Variants in ESRRG observed in about 807,000 individuals in gnomAD.
The protein encoded by ESRRG is estrogen-related receptor gamma.
Under a neutral mutation model 44.0 loss-of-function variants are expected in ESRRG, and 13 were observed. That is an observed-to-expected ratio of 0.30 (90% CI 0.19 to 0.47). The LOEUF (loss-of-function observed/expected upper bound fraction) is 0.47. Among genes scored for constraint, ESRRG ranks in the 20% least tolerant of loss-of-function variants. The pLI is 1.00. For missense variants in ESRRG, 395 were observed against 580.6 expected (o/e 0.68, Z 3.29); for synonymous variants, 215 against 214.6 (o/e 1.00, Z -0.02).
At chr1:216,703,581 T>C (rs1295887989) in intron 1 of ESRRG, among the ~76,000 whole-genome samples, 1 of 152,242 alleles carries the variant, frequency 6.6e-6, no homozygotes, top group Non-Finnish European at 1.5e-5. Flanking sequence ...ATGTAATTTT[T>C]TTTTTGCTTT....
chr1:216,900,853 C>T (rs945240407), intron 2 of ESRRG, among the ~76,000 whole-genome samples: 6 of 152,118 alleles, frequency 3.9e-5, no homozygotes, highest in African/African-American at 9.7e-5. Context: ...ATCCAGTTCT[C>T]GTGAATCTCA....
At chr1:217,036,978 A>C (rs897305053) in intron 1 of ESRRG, among the ~76,000 whole-genome samples, 1 of 152,160 alleles carries the variant, frequency 6.6e-6, no homozygotes, top group Middle Eastern at 3.2e-3. Flanking sequence ...CTAGAGAAGA[A>C]TCTCTCTTCC....
At chr1:216,794,427 T>A (rs2094417718) in intron 2 of ESRRG, among the ~76,000 whole-genome samples, 1 of 152,144 alleles carries the variant, frequency 6.6e-6, no homozygotes, top group East Asian at 1.9e-4. Flanking sequence ...GATAGATACT[T>A]CATAGTATAT....
intron 2 of ESRRG, among the ~76,000 whole-genome samples, chr1:216,662,559 A>G (rs1192323012): frequency 5.9e-5 from 9 of 152,122 alleles, no homozygotes; most frequent in Non-Finnish European, 1.3e-4. Context: ...GGGATTTCAG[A>G]TAAGTGCCTC....
chr1:216,649,782 C>T (rs1235048468), intron 3 of ESRRG, among the ~76,000 whole-genome samples: 3 of 152,110 alleles, frequency 2.0e-5, no homozygotes, highest in Non-Finnish European at 4.4e-5. Context: ...TATATCCAAA[C>T]ATAATCTGAT....
intron 1 of ESRRG, among the ~76,000 whole-genome samples, chr1:216,984,521 T>C (rs1454060423): frequency 1.3e-5 from 2 of 152,162 alleles, no homozygotes; most frequent in Non-Finnish European, 2.9e-5. Flanking sequence ...ATTTTAACCA[T>C]TCCTATAATG....
At chr1:216,953,689 G>A (rs1449741354) in intron 1 of ESRRG, among the ~76,000 whole-genome samples, 1 of 152,038 alleles carries the variant, frequency 6.6e-6, no homozygotes, top group Non-Finnish European at 1.5e-5. Flanking sequence ...ACATAATAGT[G>A]TTATCTCTGA....
At chr1:216,525,358 A>C (rs2047326051) in intron 5 of ESRRG, among the ~76,000 whole-genome samples, 1 of 152,094 alleles carries the variant, frequency 6.6e-6, no homozygotes, top group African/African-American at 2.4e-5. Context: ...CTACTTACCT[A>C]GTACTTCTGA....
At chr1:217,009,604 G>T (rs1445602983) in intron 1 of ESRRG, among the ~76,000 whole-genome samples, 3 of 152,016 alleles carry the variant, frequency 2.0e-5, no homozygotes, top group African/African-American at 4.8e-5. Context: ...AATGCTTTAG[G>T]CCTGAAAGTT....
At chr1:217,051,215 GGT>G (rs2085962892) in intron 1 of ESRRG, among the ~76,000 whole-genome samples, 2 of 118,650 alleles carry the variant, frequency 1.7e-5, no homozygotes, top group Non-Finnish European at 3.6e-5. Context: ...GGGGGGGGGG[GGT>G]GCCAGGGGAA....
intron 1 of ESRRG, among the ~76,000 whole-genome samples, chr1:216,711,163 G>T (rs1190135882): frequency 6.6e-6 from 1 of 152,198 alleles, no homozygotes; most frequent in African/African-American, 2.4e-5. Flanking sequence ...TTCTGCCGCA[G>T]GTGGGCAAGG....
intron 1 of ESRRG, among the ~76,000 whole-genome samples, chr1:216,709,444 A>C (rs1237388034): frequency 6.6e-6 from 1 of 151,784 alleles, no homozygotes; most frequent in Non-Finnish European, 1.5e-5. Context: ...GTTTCAAAAT[A>C]CATGTTATTC....
chr1:217,074,098 T>C (rs2090952187), intron 1 of ESRRG, among the ~76,000 whole-genome samples: 2 of 150,352 alleles, frequency 1.3e-5, no homozygotes, highest in Non-Finnish European at 3.0e-5. Context: ...CCCGGGCTGG[T>C]GTGCAATGGC....
At chr1:216,649,897 G>A (rs2068531144) in intron 3 of ESRRG, among the ~76,000 whole-genome samples, 1 of 152,104 alleles carries the variant, frequency 6.6e-6, no homozygotes, top group Non-Finnish European at 1.5e-5. Context: ...TGACACTCTG[G>A]TTCACTCTTG....
At chr1:216,814,034 G>T (rs993063052) in intron 2 of ESRRG, among the ~76,000 whole-genome samples, 1 of 152,002 alleles carries the variant, frequency 6.6e-6, no homozygotes, top group Non-Finnish European at 1.5e-5. Context: ...TATCCCAGGA[G>T]CTCCTCAACC....
At position 216,682,709 on chromosome 1, in the gene ESRRG, AGTGTGT is replaced by A. The variant is rs72420221; in HGVS notation, c.57-5224_57-5219del. ...AAATAAAAAGCTCTTAATACTCTAT[AGTGTGT>A]GTGTGTGTGTGTGTGTGTGTGTGTG... On this transcript the variant is annotated intron_variant, in intron 1 of 6. Coordinates refer to ENST00000408911, the MANE Select transcript of ESRRG (RefSeq NM_001438.4). Among the ~76,000 whole-genome samples, 754 of 144,756 alleles carry A rather than the reference AGTGTGT, an allele frequency of 5.2e-3. 3 individuals carry two copies. Among genetic ancestry groups the A allele is most frequent in the African/African-American group, 0.018 (703 of 38,604 alleles). 95.0% of individuals were successfully genotyped at this position (144,756 alleles called of 152,430 possible).
At chr1:217,099,120 A>T (rs1333126544) in intron 1 of ESRRG, among the ~76,000 whole-genome samples, 11 of 152,228 alleles carry the variant, frequency 7.2e-5, no homozygotes, top group African/African-American at 2.4e-4. Flanking sequence ...TTACATGGTG[A>T]TATTTCCAGA....
intron 1 of ESRRG, among the ~76,000 whole-genome samples, chr1:217,002,128 C>T (rs1249269417): frequency 6.6e-6 from 1 of 151,512 alleles, no homozygotes; most frequent in Non-Finnish European, 1.5e-5. Context: ...ACGGCGAAAC[C>T]CCATCTCTAC....
intron 3 of ESRRG, among the ~76,000 whole-genome samples, chr1:216,592,883 C>A (rs1317158155): frequency 1.3e-5 from 2 of 152,166 alleles, no homozygotes; most frequent in Admixed American, 6.5e-5. Context: ...TGAAGCACTT[C>A]ATCTAGCTTA....
Sources: gnomAD v4.1 joint callset for allele counts (sites outside exome capture counted in the v4.1 genomes callset) on GRCh38, gnomAD v4.1.1 for gene constraint, MANE v1.5 for transcripts, NCBI Gene and HGNC (gene_info 2026-07-23, HGNC 2026-07-21) for gene names.